KCNQ1: variants seen among roughly 807,000 people sequenced by gnomAD.
The protein encoded by KCNQ1 is potassium voltage-gated channel subfamily KQT member 1.
A neutral mutation model predicts 72.4 loss-of-function variants in KCNQ1; 49 were observed. That is an observed-to-expected ratio of 0.68 (90% CI 0.54 to 0.86). The LOEUF is 0.86. KCNQ1 is among the 40% of genes least tolerant of loss of function. KCNQ1 has a pLI of 0.00. For missense variants in KCNQ1, 790 were observed against 945.1 expected (o/e 0.84, Z 2.15); for synonymous variants, 450 against 412.6 (o/e 1.09, Z -1.10).
At chr11:2,490,857 TTTTGTTTG>T (rs747896025) in intron 1 of KCNQ1, among the ~76,000 whole-genome samples, 22 of 152,088 alleles carry the variant, frequency 1.4e-4, no homozygotes, top group Non-Finnish European at 1.5e-4. Flanking sequence ...CCTGGCTAAT[TTTTGTTTG>T]TTTGTTTGTT....
At chr11:2,819,614 T>C (rs1847691674) in intron 15 of KCNQ1, among the ~76,000 whole-genome samples, 1 of 152,238 alleles carries the variant, frequency 6.6e-6, no homozygotes, top group African/African-American at 2.4e-5. Flanking sequence ...TTGTGTTTGC[T>C]TGAGCAGTTA....
chr11:2,562,438 G>A lies in KCNQ1; in HGVS notation c.478-8190G>A, dbSNP rs982450587. On this transcript the variant is annotated intron_variant, in intron 2 of 15. Coordinates refer to ENST00000155840, the MANE Select transcript of KCNQ1 (RefSeq NM_000218.3). This position sits in a 1 kb window ranked among gnomAD's most constrained non-coding sequence, Gnocchi z 7.5. The stretch of plus-strand genomic sequence containing the variant: ...GCTCTCTCTGTGGCTTATCAGGGCC[G>A]GGCCGGTGTGGAGTTGGAACAGCTG... Among the ~76,000 whole-genome samples the A allele has an allele frequency of 3.1e-4, 47 of 152,304 alleles. No homozygotes were observed. Among genetic ancestry groups the A allele is most frequent in the Admixed American group, 9.1e-4 (14 of 15,308 alleles).
In KCNQ1 at chr11:2,563,464, C is replaced by T. The variant is rs954792093; in HGVS notation, c.478-7164C>T. On this transcript the variant is annotated intron_variant, in intron 2 of 15. Coordinates refer to ENST00000155840, the MANE Select transcript of KCNQ1 (RefSeq NM_000218.3). This position sits in a 1 kb window ranked among gnomAD's most constrained non-coding sequence, Gnocchi z 7.4. The stretch of plus-strand genomic sequence containing the variant: ...ACAACACCGGATACCAGCATGGGGT[C>T]GGCCTGCGGGGCCATGTGTCTCCTC... Among the ~76,000 whole-genome samples, 3 of 152,234 alleles carry T rather than the reference C, an allele frequency of 2.0e-5. 1 individual carries two copies. The highest frequency in any genetic ancestry group is 4.1e-4 in the South Asian group (2 of 4,838).
chr11:2,551,726 C>A (rs114394969), intron 2 of KCNQ1, among the ~76,000 whole-genome samples: 3 of 152,344 alleles, frequency 2.0e-5, no homozygotes, highest in African/African-American at 7.2e-5. Context: ...CATCAATGTA[C>A]GAGCATTCTG....
chr11:2,445,245 G>A lies in KCNQ1; in HGVS notation c.147G>A (p.Ala49=). 1 of 1,180,982 alleles carries A rather than the reference G, an allele frequency of 8.5e-7. No individual in the cohort carries two copies. The highest frequency in any genetic ancestry group is 1.0e-6 in the Non-Finnish European group (1 of 955,780). The allele number at this position is 1,180,982 out of a possible 1,614,324, so 73.2% of individuals were successfully genotyped here. A position where few individuals can be genotyped will look rare whatever the true frequency, so the allele number is the denominator to read the frequency against. ...ELAEGGPAGG[A]LYAPIAPGAP... ...CGGAGGGCGGCCCGGCGGGCGGCGC[G>A]CTCTACGCGCCCATCGCGCCCGGCG... Residue 49 remains alanine (A), a synonymous_variant, in exon 1 of 16, where the codon GCG becomes GCA. Coordinates refer to ENST00000155840, the MANE Select transcript of KCNQ1 (RefSeq NM_000218.3).
rs112578947 is a variant in KCNQ1, at chr11:2,679,235, C to T, written c.1514+17154C>T. On this transcript the variant is annotated intron_variant, in intron 11 of 15. Coordinates refer to ENST00000155840, the MANE Select transcript of KCNQ1 (RefSeq NM_000218.3). The surrounding 1 kb of genome is among the most constrained non-coding windows in gnomAD (Gnocchi z 4.8). ...CATGTGAAGCTGGTCCAGAGGACTACAGCTGCCTGTCCCACCCTTGGCTGT... is the reference window on the plus strand; with the variant it reads ...CATGTGAAGCTGGTCCAGAGGACTATAGCTGCCTGTCCCACCCTTGGCTGT... The T allele has an allele frequency of 7.2e-4, 287 of 398,662 alleles. No individual in the cohort carries two copies. The highest frequency in any genetic ancestry group is 5.5e-3 in the African/African-American group (266 of 48,760). The allele number at this position is 398,662 out of a possible 1,614,324, so 24.7% of individuals were successfully genotyped here. A position where few individuals can be genotyped will look rare whatever the true frequency, so the allele number is the denominator to read the frequency against.
intron 15 of KCNQ1, among the ~76,000 whole-genome samples, chr11:2,796,706 A>G (rs234882): frequency 0.57 from 86,834 of 152,058 alleles, 25,408 homozygotes; most frequent in African/African-American, 0.69. Flanking sequence ...GGACAGACCC[A>G]GGAAGACCTC....
chr11:2,527,803 G>A (rs112865258), intron 1 of KCNQ1, 125 bp from the exon 2 acceptor site: 6 of 800,452 alleles, frequency 7.5e-6, no homozygotes, highest in African/African-American at 6.7e-5. Context: ...GGATGACTGG[G>A]TTTTCGAAGC....
intron 2 of KCNQ1, among the ~76,000 whole-genome samples, chr11:2,532,586 G>C (rs1024153923): frequency 1.3e-5 from 2 of 152,222 alleles, no homozygotes; most frequent in Non-Finnish European, 2.9e-5. Flanking sequence ...GGCCGAGACT[G>C]AGGCGTGGGC....
intron 11 of KCNQ1, among the ~76,000 whole-genome samples, chr11:2,754,882 T>C (rs1253216768): frequency 6.6e-6 from 1 of 152,222 alleles, no homozygotes; most frequent in Non-Finnish European, 1.5e-5. Context: ...TCCCTCATCA[T>C]CCAAAGATAC....
chr11:2,727,571 C>T (rs1027096707), intron 11 of KCNQ1, among the ~76,000 whole-genome samples: 6 of 152,200 alleles, frequency 3.9e-5, no homozygotes, highest in Non-Finnish European at 7.3e-5. Flanking sequence ...AGCAGCTCCA[C>T]GGCAGGGAGC....
At chr11:2,716,567 G>A (rs1851095735) in intron 11 of KCNQ1, among the ~76,000 whole-genome samples, 1 of 152,196 alleles carries the variant, frequency 6.6e-6, no homozygotes, top group South Asian at 2.1e-4. Context: ...TTGCCAAGCG[G>A]TGTTAGGACA....
At position 2,698,663 on chromosome 11, in the gene KCNQ1, G is replaced by C; in HGVS notation, c.1514+36582G>C. On this transcript the variant is annotated intron_variant, in intron 11 of 15. Transcript: ENST00000155840. The surrounding 1 kb of genome is among the most constrained non-coding windows in gnomAD (Gnocchi z 5.1). Reference sequence around the variant, plus strand: ...ACCCCAATCCCAATCTCTTAACTCAGAGCCCCCCATTCAGAACCTCTACCC... The same window carrying C: ...ACCCCAATCCCAATCTCTTAACTCACAGCCCCCCATTCAGAACCTCTACCC... The C allele has an allele frequency of 2.5e-6, 1 of 398,132 alleles. No homozygotes were observed. The highest frequency in any genetic ancestry group is 3.6e-5 in the East Asian group (1 of 28,052). The allele number at this position is 398,132 out of a possible 1,614,324, so 24.7% of individuals were successfully genotyped here.
intron 10 of KCNQ1, chr11:2,628,236 A>C (rs1849291913): frequency 2.5e-6 from 1 of 398,502 alleles, no homozygotes; most frequent in South Asian, 1.3e-4. Flanking sequence ...TGACTGTATC[A>C]ATTTACATTC....
rs1012316141 is a variant in KCNQ1, at chr11:2,713,275, C to G, written c.1514+51194C>G. Among the ~76,000 whole-genome samples the G allele has an allele frequency of 6.6e-6, 1 of 152,190 alleles. No homozygotes were observed. Among genetic ancestry groups the G allele is most frequent in the African/African-American group, 2.4e-5 (1 of 41,450 alleles). On this transcript the variant is annotated intron_variant, in intron 11 of 15. Transcript: ENST00000155840. The surrounding 1 kb of genome is among the most constrained non-coding windows in gnomAD (Gnocchi z 5.6). ...CTCCTCCGCTCCCTGGAAACGTTCC[C>G]TGAATCACATTGTTCACTGCGCTTC...
chr11:2,578,908 G>A (rs912953569), intron 6 of KCNQ1, among the ~76,000 whole-genome samples: 4 of 152,252 alleles, frequency 2.6e-5, no homozygotes, highest in African/African-American at 7.2e-5. Flanking sequence ...CTAATGGGGA[G>A]CCCTCAGCAC....
intron 15 of KCNQ1, among the ~76,000 whole-genome samples, chr11:2,810,627 CTTATAT>C (rs779270883): frequency 2.0e-4 from 30 of 152,216 alleles, no homozygotes; most frequent in Non-Finnish European, 2.8e-4. Context: ...CCAGATACAT[CTTATAT>C]CTTAAGTTCT....
Position 2,787,125 on chromosome 11 carries a change from G to A in KCNQ1, c.1794+9088G>A, listed in dbSNP as rs1248402838. ...TTAATTCTAGGCTCAAAGTTTTCTAGGCCACTTAGGTAGTATGAATTCAAG... is the reference window on the plus strand; with the variant it reads ...TTAATTCTAGGCTCAAAGTTTTCTAAGCCACTTAGGTAGTATGAATTCAAG... On this transcript the variant is annotated intron_variant, in intron 15 of 15. Coordinates refer to ENST00000155840, the MANE Select transcript of KCNQ1 (RefSeq NM_000218.3). This position sits in a 1 kb window ranked among gnomAD's most constrained non-coding sequence, Gnocchi z 6.3. Among the ~76,000 whole-genome samples the A allele has an allele frequency of 6.6e-6, 1 of 152,060 alleles. No individual in the cohort carries two copies. Among genetic ancestry groups the A allele is most frequent in the African/African-American group, 2.4e-5 (1 of 41,392 alleles).
rs532579371 is a variant in KCNQ1, at chr11:2,815,454, G to A, written c.1795-32313G>A. 1.8e-3 allele frequency among the ~76,000 whole-genome samples: 277 copies of A among 152,230 alleles called. No individual in the cohort carries two copies. Among genetic ancestry groups the A allele is most frequent in the African/African-American group, 6.3e-3 (262 of 41,530 alleles). On this transcript the variant is annotated intron_variant, in intron 15 of 15. Coordinates refer to ENST00000155840, the MANE Select transcript of KCNQ1 (RefSeq NM_000218.3). The surrounding 1 kb of genome is among the most constrained non-coding windows in gnomAD (Gnocchi z 5.4). ...GGGGACCCTCTCCTGGCCCTGTGGGGTCGGAGGAGGTCCTGGGAGCCCACC... is the reference window on the plus strand; with the variant it reads ...GGGGACCCTCTCCTGGCCCTGTGGGATCGGAGGAGGTCCTGGGAGCCCACC...
Sources: gnomAD v4.1 joint callset for allele counts (sites outside exome capture counted in the v4.1 genomes callset) on GRCh38, gnomAD v4.1.1 for gene constraint, Gnocchi (gnomAD v3.1) non-coding constraint, MANE v1.5 for transcripts, NCBI Gene and HGNC (gene_info 2026-07-23, HGNC 2026-07-21) for gene names.